Variants in LRMDA observed in about 807,000 individuals in gnomAD.
The protein encoded by LRMDA is leucine rich melanocyte differentiation associated.
LRMDA carries 18 observed loss-of-function variants against 29.8 expected under a neutral mutation model. The observed-to-expected ratio is 0.60, with a 90% CI of 0.42 to 0.90. LRMDA has a LOEUF of 0.90. Ranked by LOEUF, LRMDA falls within the 40% of genes least tolerant of loss-of-function variation. LRMDA has a pLI of 0.00. For synonymous variants in LRMDA, 125 were observed against 109.4 expected, an observed-to-expected ratio of 1.14 and a Z score of -0.89; for missense variants, 273 against 273.9, an observed-to-expected ratio of 1.00 and a Z score of 0.02.
chr10:75,602,791 A>G (rs752343998), intron 2 of LRMDA, among the ~76,000 whole-genome samples: 2 of 152,210 alleles, frequency 1.3e-5, no homozygotes, highest in Admixed American at 6.5e-5. Context: ...ACAACTTTAT[A>G]TATTAAAAAA....
rs556025820 is a variant in LRMDA, at chr10:76,412,743, C to A, written c.601+88258C>A. Among the ~76,000 whole-genome samples, 11 of 152,260 alleles carry A rather than the reference C, an allele frequency of 7.2e-5. 2 individuals are homozygous for A. Among genetic ancestry groups the A allele is most frequent in the African/African-American group, 2.4e-4 (10 of 41,552 alleles). Reference sequence around the variant, plus strand: ...TTGATTCTTCTGTGATGCCCCTATGCCCACAAACATCCTCCCATCATCTCA... The same window carrying A: ...TTGATTCTTCTGTGATGCCCCTATGACCACAAACATCCTCCCATCATCTCA... On this transcript the variant is annotated intron_variant, in intron 6 of 6. Transcript: ENST00000611255.
chr10:75,723,139 A>T (rs984275202), intron 2 of LRMDA, among the ~76,000 whole-genome samples: 7 of 152,238 alleles, frequency 4.6e-5, no homozygotes, highest in Non-Finnish European at 1.5e-5. Context: ...TACCTTTGGC[A>T]TGTGCCCCTG....
chr10:76,091,893 G>A (rs1849237670), intron 5 of LRMDA, among the ~76,000 whole-genome samples: 1 of 152,044 alleles, frequency 6.6e-6, no homozygotes, highest in African/African-American at 2.4e-5. Flanking sequence ...GGTCTATGTT[G>A]CCCAAGTTGG....
At chr10:75,643,723 T>C (rs1005526644) in intron 2 of LRMDA, among the ~76,000 whole-genome samples, 1 of 152,220 alleles carries the variant, frequency 6.6e-6, no homozygotes, top group African/African-American at 2.4e-5. Flanking sequence ...ATGATGCAAT[T>C]CTTTAAAATT....
At chr10:76,271,465 G>C (rs954737669) in intron 5 of LRMDA, among the ~76,000 whole-genome samples, 5 of 151,914 alleles carry the variant, frequency 3.3e-5, no homozygotes, top group Non-Finnish European at 7.4e-5. Context: ...AATAATCCAT[G>C]CTTTTTCATT....
At chr10:76,548,250 G>A (rs1308358157) in intron 6 of LRMDA, among the ~76,000 whole-genome samples, 2 of 152,002 alleles carry the variant, frequency 1.3e-5, no homozygotes, top group Admixed American at 1.3e-4. Context: ...CCTAAAATGA[G>A]GTTCTTTAAA....
At chr10:75,932,972 G>C (rs1392812504) in intron 2 of LRMDA, among the ~76,000 whole-genome samples, 1 of 152,186 alleles carries the variant, frequency 6.6e-6, no homozygotes, top group Non-Finnish European at 1.5e-5. Flanking sequence ...CCTTAGTCAA[G>C]AATCAGTATT....
intron 2 of LRMDA, among the ~76,000 whole-genome samples, chr10:75,699,243 C>G: frequency 6.6e-6 from 1 of 152,050 alleles, no homozygotes; most frequent in East Asian, 1.9e-4. Context: ...TTGTTCATCC[C>G]TAATGCCTAA....
intron 6 of LRMDA, among the ~76,000 whole-genome samples, chr10:76,513,940 C>G (rs1248034585): frequency 6.6e-6 from 1 of 152,132 alleles, no homozygotes; most frequent in African/African-American, 2.4e-5. Context: ...CAGTATCAGT[C>G]TTTTCTGTCA....
chr10:76,201,793 C>T (rs1851435982), intron 5 of LRMDA, among the ~76,000 whole-genome samples: 1 of 152,188 alleles, frequency 6.6e-6, no homozygotes, highest in African/African-American at 2.4e-5. Context: ...TATCAATTAG[C>T]TTTTGCTGGG....
chr10:75,891,507 G>A (rs1176219899), intron 2 of LRMDA, among the ~76,000 whole-genome samples: 1 of 152,236 alleles, frequency 6.6e-6, no homozygotes, highest in Non-Finnish European at 1.5e-5. Context: ...AATTGGGTGA[G>A]AAGGTCATTG....
At chr10:76,532,313 A>G (rs1316207457) in intron 6 of LRMDA, among the ~76,000 whole-genome samples, 1 of 152,220 alleles carries the variant, frequency 6.6e-6, no homozygotes, top group Non-Finnish European at 1.5e-5. Context: ...TCACATAACC[A>G]AAGTGTTAAT....
At chr10:76,438,932 A>AT (rs1842272633) in intron 6 of LRMDA, among the ~76,000 whole-genome samples, 1 of 152,188 alleles carries the variant, frequency 6.6e-6, no homozygotes, top group Non-Finnish European at 1.5e-5. Flanking sequence ...ATGTTTAGAC[A>AT]ATGTATATGT....
intron 2 of LRMDA, among the ~76,000 whole-genome samples, chr10:75,941,422 AG>A (rs2132410189): frequency 6.6e-6 from 1 of 152,306 alleles, no homozygotes; most frequent in Non-Finnish European, 1.5e-5. Context: ...CAGCATAAGG[AG>A]GGGTGGCTAT....
chr10:75,702,137 C>G (rs1012974247), intron 2 of LRMDA, among the ~76,000 whole-genome samples: 1 of 152,128 alleles, frequency 6.6e-6, no homozygotes, highest in Non-Finnish European at 1.5e-5. Flanking sequence ...CTCCCTGCAC[C>G]CTGTTGACTA....
intron 2 of LRMDA, among the ~76,000 whole-genome samples, chr10:75,841,443 G>A (rs1412138982): frequency 6.6e-6 from 1 of 152,188 alleles, no homozygotes; most frequent in Non-Finnish European, 1.5e-5. Flanking sequence ...CTACCTTGTG[G>A]CTGCCACCCA....
intron 2 of LRMDA, among the ~76,000 whole-genome samples, chr10:75,851,385 C>T (rs1844730466): frequency 6.6e-6 from 1 of 152,128 alleles, no homozygotes; most frequent in Non-Finnish European, 1.5e-5. Context: ...TGTGTCTTGC[C>T]TCCTGGCTTC....
At chr10:75,548,966 G>C (rs2132053548) in intron 2 of LRMDA, among the ~76,000 whole-genome samples, 1 of 152,146 alleles carries the variant, frequency 6.6e-6, no homozygotes, top group African/African-American at 2.4e-5. Context: ...TCCTATCTTG[G>C]ATAATGGTAC....
intron 2 of LRMDA, among the ~76,000 whole-genome samples, chr10:75,917,460 G>A (rs576272504): frequency 5.2e-4 from 79 of 152,314 alleles, no homozygotes; most frequent in African/African-American, 1.9e-3. Context: ...TAGGCCTTAG[G>A]CTAAGTTCAG....
Sources: gnomAD v4.1 joint callset for allele counts (sites outside exome capture counted in the v4.1 genomes callset) on GRCh38, gnomAD v4.1.1 for gene constraint, MANE v1.5 for transcripts, NCBI Gene and HGNC (gene_info 2026-07-23, HGNC 2026-07-21) for gene names.